EIF5: variants seen among roughly 807,000 people sequenced by gnomAD.
EIF5 encodes the protein eukaryotic translation initiation factor 5.
In EIF5, 10 loss-of-function variants were observed where a neutral mutation model predicts 48.3. That is an observed-to-expected ratio of 0.21 (90% CI 0.13 to 0.35). EIF5 has a LOEUF of 0.35. Ranked by LOEUF, EIF5 falls within the 10% of genes least tolerant of loss-of-function variation. The pLI, the probability that EIF5 is intolerant of heterozygous loss-of-function variation, is 1.00. For synonymous variants in EIF5, 237 were observed against 173.1 expected (o/e 1.37, Z -2.90); for missense variants, 397 against 533.2 (o/e 0.74, Z 2.51).
In EIF5 at chr14:103,339,734, A is replaced by C; in HGVS notation, c.1002A>C (p.Pro334=). ...MHQAQLISKI[P]HILKEMYDAD... is the part of the protein sequence containing the mutation. Reference sequence around the variant, plus strand: ...AAGCTCAGCTTATCTCCAAGATTCCACATATCTTGAAGGAGATGTACGATG... The same window carrying C: ...AAGCTCAGCTTATCTCCAAGATTCCCCATATCTTGAAGGAGATGTACGATG... Residue 334 remains proline (P), a synonymous_variant, in exon 10 of 12, where the codon CCA becomes CCC. Transcript: ENST00000216554. 1 of 1,614,234 alleles carries C rather than the reference A, an allele frequency of 6.2e-7. No individual in the cohort carries two copies. The highest frequency in any genetic ancestry group is 8.5e-7 in the Non-Finnish European group (1 of 1,180,034).
chr14:103,336,194 C>A, intron 4 of EIF5, 77 bp downstream of exon 4: 2 of 1,385,332 alleles, frequency 1.4e-6, no homozygotes, highest in South Asian at 1.3e-5. Flanking sequence ...AAAACTTGTT[C>A]TAATTGTATG....
intron 5 of EIF5, 36 bp downstream of exon 5, chr14:103,336,885 T>C (rs376612159): frequency 1.0e-5 from 16 of 1,586,684 alleles, no homozygotes; most frequent in African/African-American, 9.5e-5. Context: ...GAAAAAGCCA[T>C]ATACCTGCTT....
intron 6 of EIF5, chr14:103,338,062 G>A (rs934278693): frequency 6.8e-6 from 4 of 589,740 alleles, no homozygotes; most frequent in Non-Finnish European, 1.2e-5. Flanking sequence ...CTCCCTAGTG[G>A]AGGCATCATC....
At position 103,341,876 on chromosome 14, in the gene EIF5, T is replaced by C. The variant is rs564878988; in HGVS notation, c.*824T>C. The C allele has an allele frequency of 1.3e-5, 2 of 152,640 alleles. No homozygotes were observed. The highest frequency in any genetic ancestry group is 2.9e-5 in the Non-Finnish European group (2 of 68,046). The allele number at this position is 152,640 out of a possible 1,614,324, so 9.5% of individuals were successfully genotyped here. A position where few individuals can be genotyped will look rare whatever the true frequency, so the allele number is the denominator to read the frequency against. ...TGGGGTGCAATTAATAAACTGATTTTATTTGGGAGAAACAAGGAAGGGTGC... is the reference window on the plus strand; with the variant it reads ...TGGGGTGCAATTAATAAACTGATTTCATTTGGGAGAAACAAGGAAGGGTGC... On this transcript the variant is annotated 3_prime_UTR_variant, in exon 12 of 12. Transcript: ENST00000216554.
chr14:103,336,660 C>T lies in EIF5; in HGVS notation c.155-17C>T, dbSNP rs2140359088. 2 of 1,594,166 alleles carry T rather than the reference C, an allele frequency of 1.3e-6. No homozygotes were observed. Among genetic ancestry groups the T allele is most frequent in the Non-Finnish European group, 8.5e-7 (1 of 1,171,736 alleles). Reference sequence around the variant, plus strand: ...TAGTTAACTGTAACGATCCAAACTCCTTTTTCATTCAAATAGATCCCACCA... The same window carrying T: ...TAGTTAACTGTAACGATCCAAACTCTTTTTTCATTCAAATAGATCCCACCA... On this transcript the variant is annotated splice_polypyrimidine_tract_variant and intron_variant, in intron 4 of 11. Transcript: ENST00000216554.
Position 103,339,724 on chromosome 14 carries a change from C to G in EIF5, c.992C>G (p.Ser331Cys). ...GCAATGCATCAAGCTCAGCTTATCT[C>G]CAAGATTCCACATATCTTGAAGGAG... ...VVAMHQAQLISKIPHILKEMY... is the reference protein window; with the variant it reads ...VVAMHQAQLICKIPHILKEMY... Residue 331 changes from serine (S) to cysteine (C), a missense_variant, in exon 10 of 12, where the codon TCC becomes TGC. Physicochemically the swap from Ser to Cys is moderately radical, Grantham distance 112. Transcript: ENST00000216554. The G allele has an allele frequency of 6.2e-7, 1 of 1,614,210 alleles. No individual in the cohort carries two copies. Among genetic ancestry groups the G allele is most frequent in the South Asian group, 1.1e-5 (1 of 91,084 alleles).
rs147092160 is a variant in EIF5, at chr14:103,335,410, C to T, written c.-208-243C>T. On this transcript the variant is annotated intron_variant, in intron 2 of 11. Transcript: ENST00000216554. ...GAATCTCACGGCGGCTGAGGCAGCA[C>T]AGCTTGTGTTTTCTTGTCAGGCATT... The T allele has an allele frequency of 5.6e-3, 926 of 166,272 alleles. 7 individuals carry two copies. The highest frequency in any genetic ancestry group is 0.038 in the Middle Eastern group (12 of 312). 10.3% of individuals were successfully genotyped at this position (166,272 alleles called of 1,614,324 possible).
At position 103,337,117 on chromosome 14, in the gene EIF5, A is replaced by G. The variant is rs2089296094; in HGVS notation, c.329A>G (p.His110Arg). The change falls in exon 6 of 12, where the codon CAT becomes CGT. Residue 110 changes from histidine (H) to arginine (R), a missense_variant and splice_region_variant. Around this residue, in one of 4 missense-constraint regions of EIF5, gnomAD observed 108 missense variants for 188.3 expected, o/e 0.57. Coordinates refer to ENST00000216554, the MANE Select transcript of EIF5 (RefSeq NM_001969.5). ...PECENPETDL[H>R]VNPKKQTIGN... ...TAACATTTGTTATTTTTTTGGCAGC[A>G]TGTCAATCCAAAGAAGCAAACAATA... 2.5e-6 allele frequency: 4 copies of G among 1,607,742 alleles called. No homozygotes were observed. Among genetic ancestry groups the G allele is most frequent in the Non-Finnish European group, 3.4e-6 (4 of 1,178,388 alleles).
intron 6 of EIF5, chr14:103,337,949 C>T: frequency 1.9e-6 from 1 of 529,150 alleles, no homozygotes; most frequent in Non-Finnish European, 3.7e-6. Flanking sequence ...TCCCATGAGA[C>T]AAGCCGTTAT....
chr14:103,337,016 A>G (rs2089294691), intron 5 of EIF5, 100 bp from the exon 6 acceptor site: 1 of 1,369,330 alleles, frequency 7.3e-7, no homozygotes, highest in East Asian at 2.4e-5. Context: ...ACTGTGTGAA[A>G]AAAGTTTTCT....
intron 11 of EIF5, among the ~76,000 whole-genome samples, 165 bp downstream of exon 11, chr14:103,340,726 G>A (rs1479745964): frequency 6.6e-6 from 1 of 152,110 alleles, no homozygotes; most frequent in East Asian, 1.9e-4. Context: ...ATAATAGAAA[G>A]GGTGATGGAA....
chr14:103,341,168 T>C lies in EIF5; in HGVS notation c.*116T>C, dbSNP rs950843442. On this transcript the variant is annotated 3_prime_UTR_variant, in exon 12 of 12. Coordinates refer to ENST00000216554, the MANE Select transcript of EIF5 (RefSeq NM_001969.5). ...AATGGCTTAACATCATGCTACACTT[T>C]ACACTAAAAATCTATTACTGTGAGT... The C allele has an allele frequency of 5.4e-5, 47 of 876,328 alleles. No individual in the cohort carries two copies. Among genetic ancestry groups the C allele is most frequent in the Middle Eastern group, 2.2e-4 (1 of 4,454 alleles). 54.3% of individuals were successfully genotyped at this position (876,328 alleles called of 1,614,324 possible). A position where few individuals can be genotyped will look rare whatever the true frequency, so the allele number is the denominator to read the frequency against.
At position 103,340,282 on chromosome 14, in the gene EIF5, T is replaced by C. The variant is rs1023434196; in HGVS notation, c.1072-145T>C. 6 of 817,984 alleles carry C rather than the reference T, an allele frequency of 7.3e-6. No individual in the cohort carries two copies. The African/African-American group carries it at 8.5e-5, about 12-fold the overall frequency. The allele number at this position is 817,984 out of a possible 1,614,324, so 50.7% of individuals were successfully genotyped here. A position where few individuals can be genotyped will look rare whatever the true frequency, so the allele number is the denominator to read the frequency against. On this transcript the variant is annotated intron_variant, in intron 10 of 11. Coordinates refer to ENST00000216554, the MANE Select transcript of EIF5 (RefSeq NM_001969.5). The stretch of plus-strand genomic sequence containing the variant: ...TGTAGTCATAACAGACTGCTGAGAC[T>C]AACGTGTTCACTGAGTACATTGATT...
Position 103,338,000 on chromosome 14 carries a change from T to A in EIF5, c.440-327T>A, listed in dbSNP as rs113982504. On this transcript the variant is annotated intron_variant, in intron 6 of 11. Transcript: ENST00000216554. ...GTTCCACCTGTTGGCTAAAGCTGGG[T>A]TGAGTTAATGACTTTGTTCATGAGG... is the stretch of plus-strand genomic sequence containing the variant. The A allele has an allele frequency of 5.7e-3, 3,186 of 557,308 alleles. 72 individuals are homozygous for A. The highest frequency in any genetic ancestry group is 0.05 in the African/African-American group (2,694 of 53,616). The allele number at this position is 557,308 out of a possible 1,614,324, so 34.5% of individuals were successfully genotyped here. A position where few individuals can be genotyped will look rare whatever the true frequency, so the allele number is the denominator to read the frequency against.
At chr14:103,339,970 T>A (rs1293803500) in intron 10 of EIF5, among the ~76,000 whole-genome samples, 167 bp downstream of exon 10, 1 of 152,202 alleles carries the variant, frequency 6.6e-6, no homozygotes, top group Non-Finnish European at 1.5e-5. Flanking sequence ...GTGATTCTCC[T>A]GCCTCAGCCT....
chr14:103,339,446 C>G (rs1232154627), intron 9 of EIF5, 113 bp downstream of exon 9: 7 of 1,443,906 alleles, frequency 4.8e-6, no homozygotes, highest in African/African-American at 4.3e-5. Flanking sequence ...GAAATTGACC[C>G]ACCTTACAAG....
chr14:103,338,451 T>C lies in EIF5; in HGVS notation c.564T>C (p.Ile188=), dbSNP rs1212455321. ...CACCACCACCACCACCAAATGAAATTAATCCTCCTCCACATACAATGGTGA... is the reference window on the plus strand; with the variant it reads ...CACCACCACCACCACCAAATGAAATCAATCCTCCTCCACATACAATGGTGA... ...TPPPPPPPNE[I]NPPPHTMEEE... The change falls in exon 7 of 12, where the codon ATT becomes ATC. Residue 188 remains isoleucine, a synonymous_variant. Coordinates refer to ENST00000216554, the MANE Select transcript of EIF5 (RefSeq NM_001969.5). The C allele has an allele frequency of 2.5e-6, 4 of 1,578,534 alleles. No homozygotes were observed. Among genetic ancestry groups the C allele is most frequent in the Non-Finnish European group, 3.4e-6 (4 of 1,161,356 alleles).
chr14:103,338,514 T>G (rs1271100843), intron 7 of EIF5, 42 bp downstream of exon 7: 4 of 1,543,168 alleles, frequency 2.6e-6, no homozygotes, highest in East Asian at 2.4e-5. Context: ...TAAAGTTGTG[T>G]AAAGTATATG....
At chr14:103,336,173 CTT>C in intron 4 of EIF5, 56 bp downstream of exon 4, 1 of 1,521,348 alleles carries the variant, frequency 6.6e-7, no homozygotes, top group South Asian at 1.2e-5. Context: ...TCTTCAAAGT[CTT>C]TGAGCTGCAA....
Sources: allele counts gnomAD v4.1 joint callset (sites outside exome capture counted in the v4.1 genomes callset), GRCh38; gene constraint gnomAD v4.1.1; regional missense constraint gnomAD v4.1.1; transcripts MANE v1.5; gene names NCBI Gene and HGNC (gene_info 2026-07-23, HGNC 2026-07-21).